The following USP25 variants were observed in gnomAD, a reference collection of about 807,000 sequenced individuals.
The protein encoded by USP25 is ubiquitin carboxyl-terminal hydrolase 25.
In USP25, 85 loss-of-function variants were observed where a neutral mutation model predicts 158.5. The observed-to-expected ratio is 0.54, with a 90% CI of 0.45 to 0.64. USP25 has a LOEUF of 0.64. Ranked by LOEUF, USP25 falls within the 30% of genes least tolerant of loss-of-function variation. The pLI, the probability that USP25 is intolerant of heterozygous loss-of-function variation, is 0.00. For missense variants in USP25, 1,242 were observed against 1,327.3 expected, an observed-to-expected ratio of 0.94 and a Z score of 1.00; for synonymous variants, 464 against 460.4, an observed-to-expected ratio of 1.01 and a Z score of -0.10.
intron 1 of USP25, among the ~76,000 whole-genome samples, chr21:15,736,669 T>A (rs762133849): frequency 1.3e-5 from 2 of 151,784 alleles, no homozygotes; most frequent in African/African-American, 2.4e-5. Context: ...CTTTTTTCGG[T>A]AACATAAAAA....
At chr21:15,752,776 T>C (rs1314845103) in intron 1 of USP25, among the ~76,000 whole-genome samples, 4 of 152,228 alleles carry the variant, frequency 2.6e-5, no homozygotes, top group Non-Finnish European at 4.4e-5. Context: ...TCTTGGCATT[T>C]TTAAGCTTTA....
chr21:15,759,345 G>T (rs1207991837), intron 1 of USP25, among the ~76,000 whole-genome samples: 1 of 152,110 alleles, frequency 6.6e-6, no homozygotes, highest in Non-Finnish European at 1.5e-5. Flanking sequence ...AGTTTATTTT[G>T]CCAGGGTTAA....
rs2146627068 is a variant in USP25, at chr21:15,879,196, T to C, written c.*721T>C. 1 of 152,678 alleles carries C rather than the reference T, an allele frequency of 6.5e-6. No homozygotes were observed. The highest frequency in any genetic ancestry group is 1.5e-5 in the Non-Finnish European group (1 of 67,978). 9.5% of individuals were successfully genotyped at this position (152,678 alleles called of 1,614,324 possible). On this transcript the variant is annotated 3_prime_UTR_variant, in exon 26 of 26. Transcript: ENST00000400183. ...TTAAGTCAAACTACACTGAAACTTT[T>C]ATCCTTTTCTTAGATTAATCTTACT...
chr21:15,850,979 A>T (rs1209028481), intron 20 of USP25, among the ~76,000 whole-genome samples: 2 of 152,150 alleles, frequency 1.3e-5, no homozygotes, highest in Non-Finnish European at 2.9e-5. Flanking sequence ...CTACTTCTAA[A>T]AAAAGAAGAA....
At chr21:15,827,272 G>T (rs902097323) in intron 14 of USP25, 69 bp downstream of exon 14, 1 of 1,251,460 alleles carries the variant, frequency 8.0e-7, no homozygotes, top group Non-Finnish European at 1.1e-6. Flanking sequence ...TATTGAGAAG[G>T]GAAATCACGT....
chr21:15,774,333 T>C (rs1467784069), intron 3 of USP25, among the ~76,000 whole-genome samples: 2 of 152,200 alleles, frequency 1.3e-5, no homozygotes, highest in African/African-American at 4.8e-5. Flanking sequence ...GTTGAATTTG[T>C]TAATATCACC....
At chr21:15,815,600 A>G (rs1445104603) in intron 9 of USP25, among the ~76,000 whole-genome samples, 1 of 152,200 alleles carries the variant, frequency 6.6e-6, no homozygotes, top group African/African-American at 2.4e-5. Context: ...AGAGCATTTC[A>G]GAGCCTTAAA....
intron 3 of USP25, among the ~76,000 whole-genome samples, chr21:15,770,620 A>G (rs1202188021): frequency 6.6e-6 from 1 of 152,182 alleles, no homozygotes; most frequent in Non-Finnish European, 1.5e-5. Context: ...TAAAAACAGA[A>G]CTAGACCATT....
intron 4 of USP25, among the ~76,000 whole-genome samples, chr21:15,779,856 A>G (rs979170162): frequency 6.6e-6 from 1 of 152,098 alleles, no homozygotes; most frequent in Non-Finnish European, 1.5e-5. Context: ...CTAGAAGTAA[A>G]AGAGTCATAT....
Position 15,849,733 on chromosome 21 carries a change from T to C in USP25, c.2452-44T>C, listed in dbSNP as rs1483116478. ...CAGCTTGCATGTGAATAAATTATTTTAGTTTAAAAACCTTTTTTTAATGTT... is the reference window on the plus strand; with the variant it reads ...CAGCTTGCATGTGAATAAATTATTTCAGTTTAAAAACCTTTTTTTAATGTT... On this transcript the variant is annotated intron_variant, in intron 19 of 25. Coordinates refer to ENST00000400183, the MANE Select transcript of USP25 (RefSeq NM_001283041.3). 2.1e-6 allele frequency: 3 copies of C among 1,410,246 alleles called. No homozygotes were observed. The African/African-American group carries it at 4.4e-5, about 21-fold the overall frequency. The allele number at this position is 1,410,246 out of a possible 1,614,324, so 87.4% of individuals were successfully genotyped here. A position where few individuals can be genotyped will look rare whatever the true frequency, so the allele number is the denominator to read the frequency against.
intron 17 of USP25, among the ~76,000 whole-genome samples, chr21:15,840,338 A>G (rs1406691732): frequency 6.6e-6 from 1 of 152,150 alleles, no homozygotes; most frequent in East Asian, 1.9e-4. Flanking sequence ...AATAGAATGT[A>G]TATTTATCAG....
rs113409149 is a variant in USP25, at chr21:15,833,402, C to T, written c.2048C>T (p.Pro683Leu). 19 of 1,613,672 alleles carry T rather than the reference C, an allele frequency of 1.2e-5. No homozygotes were observed. The highest frequency in any genetic ancestry group is 3.3e-5 in the Admixed American group (2 of 59,974). ...CTTGTTGGTATAGAAACATTACCAC[C>T]GGATTTGAGAGATTTTGTTGAGGAA... is the stretch of plus-strand genomic sequence containing the variant. The part of the protein sequence containing the change: ...QPLVGIETLP[P>L]DLRDFVEEDN... Residue 683 changes from proline (P) to leucine (L), a missense_variant, in exon 17 of 26, where the codon CCG becomes CTG. Coordinates refer to ENST00000400183, the MANE Select transcript of USP25 (RefSeq NM_001283041.3).
chr21:15,775,176 C>G (rs1419875889), intron 3 of USP25, among the ~76,000 whole-genome samples: 2 of 152,074 alleles, frequency 1.3e-5, no homozygotes, highest in Non-Finnish European at 2.9e-5. Context: ...GAAAAAACAT[C>G]TTGTTTTTTG....
intron 4 of USP25, among the ~76,000 whole-genome samples, chr21:15,780,107 A>G (rs1347992041): frequency 6.6e-6 from 1 of 152,166 alleles, no homozygotes; most frequent in Non-Finnish European, 1.5e-5. Flanking sequence ...TTAAAAGTAA[A>G]TTAACTCCTT....
intron 20 of USP25, among the ~76,000 whole-genome samples, chr21:15,854,954 A>G (rs2039065120): frequency 6.6e-6 from 1 of 152,226 alleles, no homozygotes; most frequent in Non-Finnish European, 1.5e-5. Context: ...GCTTACGGAG[A>G]GAAGATTCTG....
At chr21:15,731,227 A>T (rs1205232667) in intron 1 of USP25, among the ~76,000 whole-genome samples, 1 of 152,132 alleles carries the variant, frequency 6.6e-6, no homozygotes, top group Non-Finnish European at 1.5e-5. Context: ...TTGCTTTCAG[A>T]ATCTTAAGTG....
rs560033788 is a variant in USP25, at chr21:15,756,047, T to C, written c.46-6844T>C. Among the ~76,000 whole-genome samples, 7 of 152,338 alleles carry C rather than the reference T, an allele frequency of 4.6e-5. No homozygotes were observed. The South Asian group carries it at 1.4e-3, about 32-fold the overall frequency. On this transcript the variant is annotated intron_variant, in intron 1 of 25. Coordinates refer to ENST00000400183, the MANE Select transcript of USP25 (RefSeq NM_001283041.3). ...CTGCAAACAAAAGTTGTCTTTGTTATATAGATAAAGTCTCTGAGGTAAGAA... is the reference window on the plus strand; with the variant it reads ...CTGCAAACAAAAGTTGTCTTTGTTACATAGATAAAGTCTCTGAGGTAAGAA...
intron 17 of USP25, among the ~76,000 whole-genome samples, chr21:15,839,548 G>A (rs899946817): frequency 6.6e-6 from 1 of 152,020 alleles, no homozygotes; most frequent in Admixed American, 6.6e-5. Flanking sequence ...GGTACAGTCT[G>A]GAAATAATGT....
At chr21:15,832,384 AAAT>A (rs2146394590) in intron 16 of USP25, among the ~76,000 whole-genome samples, 1 of 152,300 alleles carries the variant, frequency 6.6e-6, no homozygotes, top group African/African-American at 2.4e-5. Context: ...AAACTGATAA[AAAT>A]AATCTTTTTA....
Sources: allele counts gnomAD v4.1 joint callset (sites outside exome capture counted in the v4.1 genomes callset), GRCh38; gene constraint gnomAD v4.1.1; transcripts MANE v1.5; gene names NCBI Gene and HGNC (gene_info 2026-07-23, HGNC 2026-07-21).